Variants in ACVR1 observed in about 807,000 individuals in gnomAD.
ACVR1 encodes the protein activin receptor type-1.
In ACVR1, 38 loss-of-function variants were observed where a neutral mutation model predicts 57.1. That is an observed-to-expected ratio of 0.67 (90% confidence interval 0.51 to 0.87). The LOEUF (loss-of-function observed/expected upper bound fraction) is 0.87. ACVR1 is among the 40% of genes least tolerant of loss of function. The pLI is 0.00. For synonymous variants in ACVR1, 212 were observed against 228.1 expected (o/e 0.93, Z 0.63); for missense variants, 463 against 638.2 (o/e 0.73, Z 2.96).
chr2:157,837,435 A>C (rs1299609421), intron 1 of ACVR1, among the ~76,000 whole-genome samples: 1 of 152,234 alleles, frequency 6.6e-6, no homozygotes, highest in Non-Finnish European at 1.5e-5. Context: ...AAGCTGACTA[A>C]GGCAAGCCTT....
chr2:157,766,925 T>G (rs2105261743), intron 7 of ACVR1, among the ~76,000 whole-genome samples: 1 of 152,338 alleles, frequency 6.6e-6, no homozygotes, highest in Admixed American at 6.5e-5. Flanking sequence ...TAATTCAGAC[T>G]AGGTGTTACA....
intron 1 of ACVR1, among the ~76,000 whole-genome samples, chr2:157,854,142 A>G (rs1178218621): frequency 6.6e-6 from 1 of 151,682 alleles, no homozygotes; most frequent in Non-Finnish European, 1.5e-5. Flanking sequence ...GCACATAGTT[A>G]GTATTCAAAA....
chr2:157,828,234 G>A (rs1034010502), intron 1 of ACVR1, among the ~76,000 whole-genome samples: 6 of 152,034 alleles, frequency 3.9e-5, no homozygotes, highest in Non-Finnish European at 2.9e-5. Context: ...GATCACCTGA[G>A]GTCAGGAGTT....
chr2:157,830,470 C>T, intron 1 of ACVR1, among the ~76,000 whole-genome samples: 1 of 152,080 alleles, frequency 6.6e-6, no homozygotes, highest in Non-Finnish European at 1.5e-5. Flanking sequence ...ACAAAGAGAA[C>T]TACCAACGTT....
At chr2:157,788,022 A>G (rs1237434255) in intron 3 of ACVR1, among the ~76,000 whole-genome samples, 9 of 152,190 alleles carry the variant, frequency 5.9e-5, no homozygotes, top group Non-Finnish European at 1.3e-4. Flanking sequence ...CTACAGAGAC[A>G]AACCCTTCAA....
At chr2:157,819,037 C>T (rs1172695953) in intron 1 of ACVR1, among the ~76,000 whole-genome samples, 12 of 134,456 alleles carry the variant, frequency 8.9e-5, no homozygotes, top group Admixed American at 8.8e-4. Context: ...GAGATCCCGC[C>T]ACTGCACTCC....
chr2:157,841,631 A>G (rs1559088920), intron 1 of ACVR1, among the ~76,000 whole-genome samples: 3 of 152,138 alleles, frequency 2.0e-5, no homozygotes, highest in Non-Finnish European at 4.4e-5. Flanking sequence ...CTTGAGCCCA[A>G]AAGTTCAAGG....
At chr2:157,854,650 G>C (rs1391022984) in intron 1 of ACVR1, among the ~76,000 whole-genome samples, 1 of 151,798 alleles carries the variant, frequency 6.6e-6, no homozygotes, top group Non-Finnish European at 1.5e-5. Flanking sequence ...ATGAACCCGG[G>C]AGGCAGAGCT....
chr2:157,858,401 G>T (rs1689607751), intron 1 of ACVR1, among the ~76,000 whole-genome samples: 1 of 152,092 alleles, frequency 6.6e-6, no homozygotes, highest in Admixed American at 6.6e-5. Flanking sequence ...CCTGTACCAG[G>T]AAGCAGAGGC....
chr2:157,854,263 CAT>C (rs924853869), intron 1 of ACVR1, among the ~76,000 whole-genome samples: 1 of 150,096 alleles, frequency 6.7e-6, no homozygotes, highest in African/African-American at 2.5e-5. Context: ...CTTCCACACA[CAT>C]ATTTCTAGCT....
intron 2 of ACVR1, among the ~76,000 whole-genome samples, chr2:157,812,773 T>C (rs560943344): frequency 1.3e-5 from 2 of 152,228 alleles, no homozygotes; most frequent in Non-Finnish European, 2.9e-5. Context: ...TTTTACAAGT[T>C]CCAAGTTTAT....
At chr2:157,763,867 GAAT>G (rs1685757288) in intron 8 of ACVR1, among the ~76,000 whole-genome samples, 1 of 152,106 alleles carries the variant, frequency 6.6e-6, no homozygotes, top group Non-Finnish European at 1.5e-5. Flanking sequence ...ACCATATCCT[GAAT>G]AATAACGCCT....
At chr2:157,833,635 C>G (rs1688663953) in intron 1 of ACVR1, among the ~76,000 whole-genome samples, 1 of 151,548 alleles carries the variant, frequency 6.6e-6, no homozygotes, top group Non-Finnish European at 1.5e-5. Flanking sequence ...AAGAAAAATT[C>G]AACGAGTTTC....
chr2:157,801,918 T>C (rs945288876), intron 2 of ACVR1, among the ~76,000 whole-genome samples: 2 of 152,158 alleles, frequency 1.3e-5, no homozygotes, highest in African/African-American at 4.8e-5. Flanking sequence ...CAAAACCTAC[T>C]ATGTGCTACA....
intron 8 of ACVR1, among the ~76,000 whole-genome samples, chr2:157,764,363 C>CTTT (rs113156681): frequency 3.7e-5 from 5 of 133,722 alleles, no homozygotes; most frequent in African/African-American, 1.1e-4. Context: ...TATTATTTTT[C>CTTT]TTTTTTTTTT....
At chr2:157,740,063 A>G (rs921628630) in intron 9 of ACVR1, among the ~76,000 whole-genome samples, 6 of 152,042 alleles carry the variant, frequency 3.9e-5, no homozygotes, top group Non-Finnish European at 8.8e-5. Flanking sequence ...GCGTGCCTGT[A>G]GTTCCAGCTA....
chr2:157,777,488 A>C (rs780644362), intron 5 of ACVR1, among the ~76,000 whole-genome samples: 41 of 152,212 alleles, frequency 2.7e-4, no homozygotes, highest in Admixed American at 1.3e-4. Flanking sequence ...ATTTGGTTGA[A>C]TATCTGTTAA....
intron 10 of ACVR1, 59 bp downstream of exon 10, chr2:157,738,381 G>T: frequency 6.2e-7 from 1 of 1,612,546 alleles, no homozygotes; most frequent in South Asian, 1.1e-5. Context: ...GAAACTCAAA[G>T]GGAAACAAAT....
chr2:157,834,195 G>A (rs1018083225), intron 1 of ACVR1, among the ~76,000 whole-genome samples: 2 of 152,148 alleles, frequency 1.3e-5, no homozygotes, highest in Admixed American at 6.5e-5. Flanking sequence ...GAATTCAAGC[G>A]ATTCTCCTGC....
Sources: gnomAD v4.1 joint callset for allele counts (sites outside exome capture counted in the v4.1 genomes callset) on GRCh38, gnomAD v4.1.1 for gene constraint, MANE v1.5 for transcripts, NCBI Gene and HGNC (gene_info 2026-07-23, HGNC 2026-07-21) for gene names.